Variants in ADCY9 observed in about 807,000 individuals in gnomAD.
ADCY9 encodes adenylate cyclase 9, also known as adenylate cyclase type 9.
A neutral mutation model predicts 101.5 loss-of-function variants in ADCY9; 50 were observed. That is an observed-to-expected ratio of 0.49 (90% CI 0.39 to 0.62). The LOEUF is 0.62. Ranked by LOEUF, ADCY9 falls within the 20% of genes least tolerant of loss-of-function variation. The pLI is 0.00. For missense variants in ADCY9, 1,662 were observed against 1,800.4 expected (o/e 0.92, Z 1.39); for synonymous variants, 905 against 769.3 (o/e 1.18, Z -2.92).
At position 3,966,047 on chromosome 16, in the gene ADCY9, C is replaced by T. The variant is rs151282873; in HGVS notation, c.3790G>A (p.Val1264Ile). 6.8e-6 allele frequency: 11 copies of T among 1,614,226 alleles called. No individual in the cohort carries two copies. Among genetic ancestry groups the T allele is most frequent in the African/African-American group, 2.7e-5 (2 of 75,050 alleles). ...HQLSISPDIR[V>I]QVDGSIGRSP... The stretch of plus-strand genomic sequence containing the variant: ...CGTCCGATGCTGCCATCCACCTGGA[C>T]GCGGATGTCTGGGGAGATGGACAGC... The change falls in exon 11 of 11, where the codon GTC (valine) becomes ATC (isoleucine). Residue 1264 changes from valine (V) to isoleucine (I), a missense_variant. Physicochemically the swap from Val to Ile is conservative, Grantham distance 29. Coordinates refer to ENST00000294016, the MANE Select transcript of ADCY9 (RefSeq NM_001116.4).
At chr16:3,984,966 C>G (rs1341904563) in intron 6 of ADCY9, among the ~76,000 whole-genome samples, 1 of 152,168 alleles carries the variant, frequency 6.6e-6, no homozygotes, top group African/African-American at 2.4e-5. Flanking sequence ...TGCCAGTCAG[C>G]CCTGATGCCA....
At chr16:3,954,972 G>C (rs1378205943) in intron 5 of ADCY9, among the ~76,000 whole-genome samples, 2 of 152,150 alleles carry the variant, frequency 1.3e-5, no homozygotes, top group African/African-American at 4.8e-5. Context: ...GCAGGTCTGA[G>C]CCTGTCATCA....
At chr16:4,075,613 C>T (rs1322543720) in intron 2 of ADCY9, among the ~76,000 whole-genome samples, 1 of 152,210 alleles carries the variant, frequency 6.6e-6, no homozygotes, top group African/African-American at 2.4e-5. Flanking sequence ...CTGCTAAACA[C>T]CATACACCAG....
chr16:4,065,195 G>T (rs1432442252), intron 2 of ADCY9, among the ~76,000 whole-genome samples: 1 of 152,136 alleles, frequency 6.6e-6, no homozygotes. Context: ...GATCTGAACT[G>T]AGTACAAATG....
intron 3 of ADCY9, among the ~76,000 whole-genome samples, chr16:3,994,674 T>A (rs1251193681): frequency 6.6e-6 from 1 of 152,198 alleles, no homozygotes; most frequent in African/African-American, 2.4e-5. Flanking sequence ...GCCAGGCTGG[T>A]CTTGAACTCC....
Position 4,115,068 on chromosome 16 carries a change from G to T in ADCY9, c.375C>A (p.Phe125Leu). Residue 125 changes from phenylalanine to leucine, a missense_variant, in exon 2 of 11, where the codon TTC becomes TTA. Phe to Leu is a conservative substitution (Grantham distance 22, BLOSUM62 0). This residue lies in a region of ADCY9 where 422 missense variants were observed against 392.0 expected (regional missense o/e 1.08). Coordinates refer to ENST00000294016, the MANE Select transcript of ADCY9 (RefSeq NM_001116.4). The surrounding 1 kb of genome is among the most constrained non-coding windows in gnomAD (Gnocchi z 6.2). ...AATAGATGCTCCACAGAAGGCAGGC[G>T]AAGCCGATGTAGAAGAGCGCATACC... ...RFRYALFYIG[F>L]ACLLWSIYFA... The T allele has an allele frequency of 1.2e-6, 2 of 1,614,018 alleles. No individual in the cohort carries two copies. Among genetic ancestry groups the T allele is most frequent in the Middle Eastern group, 1.6e-4 (1 of 6,062 alleles).
intron 2 of ADCY9, among the ~76,000 whole-genome samples, chr16:4,103,817 C>A (rs1263382698): frequency 6.6e-6 from 1 of 151,836 alleles, no homozygotes; most frequent in African/African-American, 2.4e-5. Flanking sequence ...GGCGACAGAG[C>A]GAGACTCTGT....
chr16:4,014,636 G>T (rs62036957), intron 2 of ADCY9, among the ~76,000 whole-genome samples: 2 of 151,804 alleles, frequency 1.3e-5, no homozygotes, highest in Non-Finnish European at 2.9e-5. Context: ...TTAGCAGAGA[G>T]GGGGTTTTGC....
chr16:4,024,136 C>T (rs1477459538), intron 2 of ADCY9, among the ~76,000 whole-genome samples: 3 of 151,906 alleles, frequency 2.0e-5, no homozygotes, highest in African/African-American at 7.3e-5. Context: ...GATTCTCCTG[C>T]CTCAGCCTCC....
At chr16:4,028,228 C>T (rs142644554) in intron 2 of ADCY9, among the ~76,000 whole-genome samples, 5 of 152,254 alleles carry the variant, frequency 3.3e-5, no homozygotes, top group African/African-American at 9.6e-5. Flanking sequence ...TAAAATTATA[C>T]GTTACCATAC....
chr16:4,093,956 A>C (rs1171526834), intron 2 of ADCY9, among the ~76,000 whole-genome samples: 2 of 152,202 alleles, frequency 1.3e-5, no homozygotes, highest in African/African-American at 4.8e-5. Context: ...TAGCTACTAA[A>C]TACAGTAACA....
chr16:4,063,343 A>G (rs1373828281), intron 2 of ADCY9, among the ~76,000 whole-genome samples: 1 of 152,148 alleles, frequency 6.6e-6, no homozygotes, highest in African/African-American at 2.4e-5. Context: ...CAGCTATGAG[A>G]AGTACTTAGG....
intron 8 of ADCY9, among the ~76,000 whole-genome samples, chr16:3,977,906 T>C (rs2141683597): frequency 6.6e-6 from 1 of 152,150 alleles, no homozygotes; most frequent in Middle Eastern, 3.4e-3. Context: ...TAGTAAAGAC[T>C]GGGTTTCACC....
intron 3 of ADCY9, among the ~76,000 whole-genome samples, chr16:3,996,427 T>TA (rs544698570): frequency 1.6e-3 from 244 of 152,254 alleles, no homozygotes; most frequent in African/African-American, 5.5e-3. Flanking sequence ...TTATTAAATG[T>TA]AAAAAAATCT....
rs980677190 is a variant in ADCY9, at chr16:4,010,980, G to T, written c.1694-3422C>A. On this transcript the variant is annotated intron_variant, in intron 2 of 10. Coordinates refer to ENST00000294016, the MANE Select transcript of ADCY9 (RefSeq NM_001116.4). Reference sequence around the variant, plus strand: ...CTGAACCTGCTGGTGCCTTGATCTTGGACTTCCCAGCCTCCTGAAGCATGA... The same window carrying T: ...CTGAACCTGCTGGTGCCTTGATCTTTGACTTCCCAGCCTCCTGAAGCATGA... Among the ~76,000 whole-genome samples the T allele has an allele frequency of 3.3e-5, 5 of 152,138 alleles. No homozygotes were observed. The South Asian group carries it at 1.0e-3, about 31-fold the overall frequency.
At chr16:4,101,529 T>C (rs953410591) in intron 2 of ADCY9, among the ~76,000 whole-genome samples, 1 of 152,176 alleles carries the variant, frequency 6.6e-6, no homozygotes, top group African/African-American at 2.4e-5. Context: ...TCCTCCTACC[T>C]TGGCCTTCCA....
rs957806303 is a variant in ADCY9, at chr16:4,098,551, T to C, written c.1693+15199A>G. On this transcript the variant is annotated intron_variant, in intron 2 of 10. Coordinates refer to ENST00000294016, the MANE Select transcript of ADCY9 (RefSeq NM_001116.4). The stretch of plus-strand genomic sequence containing the variant: ...GTCTGGCCTGTAATATTCATTCATT[T>C]ATTCATTCATTCATTCAGCCAATAT... Among the ~76,000 whole-genome samples, 13 of 152,288 alleles carry C rather than the reference T, an allele frequency of 8.5e-5. No homozygotes were observed. The East Asian group carries it at 2.5e-3, about 29-fold the overall frequency.
intron 2 of ADCY9, among the ~76,000 whole-genome samples, chr16:4,010,238 C>A (rs1034329756): frequency 6.6e-6 from 1 of 152,230 alleles, no homozygotes. Flanking sequence ...TGACTGCGCA[C>A]CTGCTCCCTG....
intron 2 of ADCY9, among the ~76,000 whole-genome samples, chr16:4,032,298 A>G (rs371627066): frequency 6.6e-6 from 1 of 151,762 alleles, no homozygotes; most frequent in African/African-American, 2.4e-5. Context: ...CAAAAAAAAA[A>G]AGAAAGAACG....
Sources: gnomAD v4.1 joint callset for allele counts (sites outside exome capture counted in the v4.1 genomes callset) on GRCh38, gnomAD v4.1.1 for gene constraint, gnomAD v4.1.1 regional missense constraint, Gnocchi (gnomAD v3.1) non-coding constraint, MANE v1.5 for transcripts, NCBI Gene and HGNC (gene_info 2026-07-23, HGNC 2026-07-21) for gene names.